TG: variants seen among roughly 807,000 people sequenced by gnomAD.
The protein encoded by TG is thyroglobulin.
In TG, 270 loss-of-function variants were observed where a neutral mutation model predicts 324.7. The ratio of observed to expected loss-of-function variants is 0.83; its 90% CI spans 0.75 to 0.92. The LOEUF is 0.92. Ranked by LOEUF, TG falls within the 40% of genes least tolerant of loss-of-function variation. The probability of loss-of-function intolerance (pLI) is 0.00; values close to 1 mark genes in which losing one functional copy is unlikely to be tolerated. For synonymous variants in TG, 1,401 were observed against 1,327.0 expected, an observed-to-expected ratio of 1.06 and a Z score of -1.21; for missense variants, 3,591 against 3,456.4, an observed-to-expected ratio of 1.04 and a Z score of -0.98.
intron 40 of TG, 132 bp downstream of exon 40, chr8:133,022,282 C>T: frequency 8.2e-7 from 1 of 1,213,374 alleles, no homozygotes; most frequent in South Asian, 1.2e-5. Context: ...AATTTTAGCA[C>T]ATATGGGAGA....
chr8:132,930,212 T>A (rs867828075), intron 23 of TG, among the ~76,000 whole-genome samples: 2 of 152,160 alleles, frequency 1.3e-5, no homozygotes, highest in Non-Finnish European at 2.9e-5. Context: ...GAGGAAATAT[T>A]TGTAGAATGA....
intron 31 of TG, among the ~76,000 whole-genome samples, chr8:132,968,234 A>G (rs1828920024): frequency 6.6e-6 from 1 of 152,202 alleles, no homozygotes; most frequent in Admixed American, 6.5e-5. Context: ...AAAAAAATAA[A>G]ACCCAAAATG....
intron 41 of TG, among the ~76,000 whole-genome samples, chr8:133,068,250 T>C (rs1843398044): frequency 6.6e-6 from 1 of 152,184 alleles, no homozygotes; most frequent in Admixed American, 6.5e-5. Flanking sequence ...GCAATGCCCA[T>C]CTATCTGTCA....
At chr8:133,088,823 G>GT in intron 41 of TG, among the ~76,000 whole-genome samples, 1 of 152,200 alleles carries the variant, frequency 6.6e-6, no homozygotes, top group East Asian at 1.9e-4. Context: ...TGTGATGGAA[G>GT]TTTTGCCAAA....
intron 28 of TG, 116 bp downstream of exon 28, chr8:132,961,189 T>C: frequency 1.9e-6 from 2 of 1,032,112 alleles, no homozygotes; most frequent in Non-Finnish European, 3.0e-6. Context: ...AGAGAGTCAC[T>C]TTCCAAATGC....
At chr8:133,127,435 G>A (rs1346173080) in intron 45 of TG, among the ~76,000 whole-genome samples, 1 of 152,174 alleles carries the variant, frequency 6.6e-6, no homozygotes, top group South Asian at 2.1e-4. Context: ...TAAGCTTGGA[G>A]ACATTATGTG....
Position 132,887,995 on chromosome 8 carries a change from T to A in TG, c.2188T>A (p.Cys730Ser), listed in dbSNP as rs1376099581. Residue 730 changes from cysteine (C) to serine (S), a missense_variant, in exon 10 of 48, where the codon TGT (cysteine) becomes AGT (serine). By Grantham distance (112) the Cys-to-Ser change is moderately radical. Coordinates refer to ENST00000220616, the MANE Select transcript of TG (RefSeq NM_003235.5). ...IGKPKKCPTP[C>S]QLQSEQAFLR... ...TTGTTCCTCCCCAGGCCCCACGCCC[T>A]GTCAATTACAGTCTGAGCAAGCTTT... is the stretch of plus-strand genomic sequence containing the variant. 1 of 1,613,922 alleles carries A rather than the reference T, an allele frequency of 6.2e-7. No individual in the cohort carries two copies. Among genetic ancestry groups the A allele is most frequent in the Non-Finnish European group, 8.5e-7 (1 of 1,179,948 alleles).
intron 41 of TG, among the ~76,000 whole-genome samples, chr8:133,091,606 A>G (rs972591334): frequency 2.0e-5 from 3 of 151,530 alleles, no homozygotes; most frequent in African/African-American, 7.3e-5. Context: ...GTGTGAGTCT[A>G]TCTGTAGGTG....
intron 41 of TG, among the ~76,000 whole-genome samples, chr8:133,044,718 G>A (rs1371916629): frequency 6.6e-6 from 1 of 152,330 alleles, no homozygotes; most frequent in South Asian, 2.1e-4. Context: ...GGTTGCAGTT[G>A]TGAATTTAGG....
At chr8:133,064,828 G>T (rs1179404887) in intron 41 of TG, among the ~76,000 whole-genome samples, 2 of 152,062 alleles carry the variant, frequency 1.3e-5, no homozygotes, top group Admixed American at 1.3e-4. Flanking sequence ...ACAGTTGTAT[G>T]CACCTGGTCC....
intron 43 of TG, among the ~76,000 whole-genome samples, chr8:133,100,124 A>G (rs1849020280): frequency 6.6e-6 from 1 of 152,182 alleles, no homozygotes. Context: ...TCACTGGTTT[A>G]TCCCTTTAGA....
intron 13 of TG, 26 bp downstream of exon 13, chr8:132,898,272 T>C: frequency 6.4e-7 from 1 of 1,567,794 alleles, no homozygotes; most frequent in Non-Finnish European, 8.7e-7. Flanking sequence ...AGAGTTCTCC[T>C]CCTGACCCCC....
At chr8:132,985,779 G>T (rs1454250431) in intron 35 of TG, among the ~76,000 whole-genome samples, 1 of 152,090 alleles carries the variant, frequency 6.6e-6, no homozygotes, top group Non-Finnish European at 1.5e-5. Flanking sequence ...GGCACTGCTT[G>T]TTCCTCTCTG....
At chr8:133,107,298 T>C (rs1459080949) in intron 43 of TG, among the ~76,000 whole-genome samples, 3 of 152,202 alleles carry the variant, frequency 2.0e-5, no homozygotes, top group Non-Finnish European at 4.4e-5. Context: ...AGGTTGATGC[T>C]GAGGCCCTGC....
intron 35 of TG, chr8:133,003,102 TTC>T: frequency 1.0e-6 from 1 of 1,002,098 alleles, no homozygotes; most frequent in Non-Finnish European, 1.2e-6. Context: ...AAGATGGTGG[TTC>T]CAGCTGAAAG....
At chr8:132,983,284 T>G in intron 34 of TG, 66 bp from the exon 35 acceptor site, 1 of 1,524,078 alleles carries the variant, frequency 6.6e-7, no homozygotes, top group Middle Eastern at 1.7e-4. Flanking sequence ...CTTATATTAA[T>G]GCCTTCTGAA....
intron 17 of TG, among the ~76,000 whole-genome samples, chr8:132,907,289 C>A (rs1303946605): frequency 6.6e-6 from 1 of 152,168 alleles, no homozygotes; most frequent in Non-Finnish European, 1.5e-5. Context: ...CTCTGAGTGA[C>A]CCTGCCCCAT....
At position 132,886,638 on chromosome 8, in the gene TG, C is replaced by T. The variant is rs1216557525; in HGVS notation, c.1266C>T (p.Leu422=). The T allele has an allele frequency of 5.0e-6, 8 of 1,614,216 alleles. No homozygotes were observed. The East Asian group carries it at 6.7e-5, about 13-fold the overall frequency. ...AGCTCTTTGTGGACTCTGGGCTTCTCCGCCCAATGGTGGAGGGACAGAGCC... is the reference window on the plus strand; with the variant it reads ...AGCTCTTTGTGGACTCTGGGCTTCTTCGCCCAATGGTGGAGGGACAGAGCC... ...IKELFVDSGL[L]RPMVEGQSQQ... is the part of the protein sequence containing the mutation. Residue 422 remains leucine, a synonymous_variant, in exon 9 of 48, where the codon CTC becomes CTT. Transcript: ENST00000220616.
chr8:132,995,157 T>C, intron 35 of TG: 1 of 965,966 alleles, frequency 1.0e-6, no homozygotes, highest in Non-Finnish European at 1.2e-6. Flanking sequence ...CTATTCCTAC[T>C]CTATGAATAA....
Sources: gnomAD v4.1 joint callset for allele counts (sites outside exome capture counted in the v4.1 genomes callset) on GRCh38, gnomAD v4.1.1 for gene constraint, MANE v1.5 for transcripts, NCBI Gene and HGNC (gene_info 2026-07-23, HGNC 2026-07-21) for gene names.